The following SLC4A4 variants were observed in gnomAD, a reference collection of about 807,000 sequenced individuals.
SLC4A4 encodes electrogenic sodium bicarbonate cotransporter 1.
A neutral mutation model predicts 111.5 loss-of-function variants in SLC4A4; 27 were observed. The ratio of observed to expected loss-of-function variants is 0.24; its 90% CI spans 0.18 to 0.33. SLC4A4 has a LOEUF of 0.33. SLC4A4 is among the 10% of genes least tolerant of loss of function. SLC4A4 has a pLI of 1.00. For synonymous variants in SLC4A4, 443 were observed against 463.4 expected, an observed-to-expected ratio of 0.96 and a Z score of 0.57; for missense variants, 909 against 1,315.5, an observed-to-expected ratio of 0.69 and a Z score of 4.78.
Position 71,550,897 on chromosome 4 carries a change from T to A in SLC4A4, c.2694+3177T>A, listed in dbSNP as rs570765004. On this transcript the variant is annotated intron_variant, in intron 20 of 25. Coordinates refer to ENST00000264485, the MANE Select transcript of SLC4A4 (RefSeq NM_001098484.3). ...TTTTATGTGGAAGAATGTAAGGAAT[T>A]ACAGTTTTAAGTTCACGAGGATACC... is the stretch of plus-strand genomic sequence containing the variant. Among the ~76,000 whole-genome samples, 5 of 151,978 alleles carry A rather than the reference T, an allele frequency of 3.3e-5. No homozygotes were observed. The East Asian group carries it at 9.7e-4, about 30-fold the overall frequency.
At chr4:71,506,858 AC>A (rs1731464927) in intron 16 of SLC4A4, among the ~76,000 whole-genome samples, 1 of 152,164 alleles carries the variant, frequency 6.6e-6, no homozygotes, top group South Asian at 2.1e-4. Context: ...AGGCAAGATC[AC>A]CTACAAAGGG....
Position 71,561,983 on chromosome 4 carries a change from C to T in SLC4A4, c.3099+1729C>T, listed in dbSNP as rs1253923104. ...TTTTTGAGAAAAAATAGTAAAATAT[C>T]AGCTTTGGAGAATGTTTTAAATGTA... On this transcript the variant is annotated intron_variant, in intron 23 of 25. Coordinates refer to ENST00000264485, the MANE Select transcript of SLC4A4 (RefSeq NM_001098484.3). Among the ~76,000 whole-genome samples the T allele has an allele frequency of 2.0e-5, 3 of 151,694 alleles. No individual in the cohort carries two copies. In the East Asian group the frequency reaches 5.8e-4, roughly 30 times the overall value.
intron 18 of SLC4A4, among the ~76,000 whole-genome samples, chr4:71,537,731 G>A (rs886302669): frequency 6.6e-6 from 1 of 151,698 alleles, no homozygotes; most frequent in African/African-American, 2.4e-5. Context: ...GGCCAACTGA[G>A]TATGCCATGT....
intron 3 of SLC4A4, among the ~76,000 whole-genome samples, chr4:71,256,599 AG>A (rs1158359169): frequency 1.3e-5 from 2 of 152,186 alleles, no homozygotes; most frequent in African/African-American, 4.8e-5. Flanking sequence ...ACCAGAAGGC[AG>A]GAGACTCAAG....
chr4:71,069,790 A>T (rs965149585), intron 1 of SLC4A4, among the ~76,000 whole-genome samples: 1 of 152,216 alleles, frequency 6.6e-6, no homozygotes, highest in Admixed American at 6.5e-5. Flanking sequence ...CAGAATGATA[A>T]TTGTTAACCT....
chr4:71,560,290 TA>T, intron 23 of SLC4A4, 36 bp downstream of exon 23: 1 of 1,570,154 alleles, frequency 6.4e-7, no homozygotes, highest in Non-Finnish European at 8.7e-7. Flanking sequence ...GAAAGCTAGT[TA>T]AAGAAACAAA....
intron 3 of SLC4A4, chr4:71,300,416 G>C (rs1400571189): frequency 4.3e-6 from 1 of 233,160 alleles, no homozygotes; most frequent in Non-Finnish European, 9.0e-6. Context: ...TGCTGCTGCT[G>C]TGCTTCATGA....
intron 1 of SLC4A4, among the ~76,000 whole-genome samples, chr4:71,232,288 A>T (rs751905722): frequency 2.0e-5 from 3 of 152,212 alleles, no homozygotes; most frequent in Non-Finnish European, 4.4e-5. Flanking sequence ...TCTAATTCAG[A>T]TGGAACATAG....
chr4:71,503,109 A>C (rs1317100754), intron 16 of SLC4A4, among the ~76,000 whole-genome samples: 1 of 152,062 alleles, frequency 6.6e-6, no homozygotes, highest in Non-Finnish European at 1.5e-5. Context: ...TTTCGACTTA[A>C]GTATATTTTA....
At chr4:71,319,514 G>A (rs1726953615) in intron 3 of SLC4A4, among the ~76,000 whole-genome samples, 1 of 152,032 alleles carries the variant, frequency 6.6e-6, no homozygotes, top group Non-Finnish European at 1.5e-5. Flanking sequence ...TAAATAAAGG[G>A]TGAGAATATT....
chr4:71,249,739 A>C (rs1720928895), intron 2 of SLC4A4, among the ~76,000 whole-genome samples: 2 of 152,206 alleles, frequency 1.3e-5, no homozygotes, highest in South Asian at 4.2e-4. Flanking sequence ...AAATACAAAA[A>C]AACTAGTTGG....
intron 1 of SLC4A4, among the ~76,000 whole-genome samples, chr4:71,206,683 A>G (rs1431682585): frequency 6.6e-6 from 1 of 152,166 alleles, no homozygotes; most frequent in Non-Finnish European, 1.5e-5. Context: ...GTTAACTCCG[A>G]ATTATAACTG....
At position 71,401,905 on chromosome 4, in the gene SLC4A4, T is replaced by C. The variant is rs566395019; in HGVS notation, c.807+4252T>C. ...GATTCTCAGGGGGACACTTGAGGTCTACATAACCTTGTAACTGCTTATCTG... is the reference window on the plus strand; with the variant it reads ...GATTCTCAGGGGGACACTTGAGGTCCACATAACCTTGTAACTGCTTATCTG... On this transcript the variant is annotated intron_variant, in intron 7 of 25. Transcript: ENST00000264485. 4.6e-5 allele frequency among the ~76,000 whole-genome samples: 7 copies of C among 152,318 alleles called. No individual in the cohort carries two copies. The South Asian group carries it at 1.5e-3, about 32-fold the overall frequency.
At chr4:71,372,857 T>A (rs918935583) in intron 6 of SLC4A4, among the ~76,000 whole-genome samples, 3 of 152,018 alleles carry the variant, frequency 2.0e-5, no homozygotes, top group Non-Finnish European at 2.9e-5. Context: ...TTTTTTTTTT[T>A]TATTTAATGA....
chr4:71,092,262 C>T (rs1282571615), intron 1 of SLC4A4, among the ~76,000 whole-genome samples: 2 of 122,834 alleles, frequency 1.6e-5, no homozygotes, highest in Non-Finnish European at 3.3e-5. Flanking sequence ...CTTCTCTTAA[C>T]TTAGAGAAGT....
At chr4:71,199,071 C>A (rs1746135272) in intron 1 of SLC4A4, among the ~76,000 whole-genome samples, 1 of 152,126 alleles carries the variant, frequency 6.6e-6, no homozygotes, top group South Asian at 2.1e-4. Flanking sequence ...CAGGATTATC[C>A]TCTTTTCACA....
At chr4:71,443,949 G>A (rs544698586) in intron 8 of SLC4A4, among the ~76,000 whole-genome samples, 42 of 152,286 alleles carry the variant, frequency 2.8e-4, no homozygotes, top group South Asian at 1.0e-3. Flanking sequence ...CGCATGTAAT[G>A]CAGTTGGTTA....
chr4:71,183,344 A>G (rs1745361766), upstream of SLC4A4, among the ~76,000 whole-genome samples: 1 of 152,228 alleles, frequency 6.6e-6, no homozygotes, highest in Admixed American at 6.5e-5. Context: ...TTAACCAAAT[A>G]AAATTATTTT....
intron 6 of SLC4A4, among the ~76,000 whole-genome samples, chr4:71,372,342 C>T (rs1290900353): frequency 6.6e-6 from 1 of 152,208 alleles, no homozygotes; most frequent in African/African-American, 2.4e-5. Flanking sequence ...AAAATGATTT[C>T]CTCTTACAGA....
Sources: gnomAD v4.1 joint callset for allele counts (sites outside exome capture counted in the v4.1 genomes callset) on GRCh38, gnomAD v4.1.1 for gene constraint, MANE v1.5 for transcripts, NCBI Gene and HGNC (gene_info 2026-07-23, HGNC 2026-07-21) for gene names.